The following ADAMDEC1 variants were observed in gnomAD, a reference collection of about 807,000 sequenced individuals.
ADAMDEC1 encodes the protein ADAM DEC1.
In ADAMDEC1, 62 loss-of-function variants were observed where a neutral mutation model predicts 60.4. That is an observed-to-expected ratio of 1.03 (90% CI 0.84 to 1.27). ADAMDEC1 has a LOEUF of 1.27. Ranked by LOEUF, ADAMDEC1 falls within the 50% of genes most tolerant of loss-of-function variation. ADAMDEC1 has a pLI of 0.00. For missense variants in ADAMDEC1, 595 were observed against 565.0 expected, an observed-to-expected ratio of 1.05 and a Z score of -0.54; for synonymous variants, 210 against 195.1, an observed-to-expected ratio of 1.08 and a Z score of -0.64.
chr8:24,385,961 A>T (rs953281234), intron 1 of ADAMDEC1, among the ~76,000 whole-genome samples: 1 of 151,882 alleles, frequency 6.6e-6, no homozygotes, highest in African/African-American at 2.4e-5. Context: ...AAAAATCTAC[A>T]TATCTTTTTT....
At chr8:24,402,172 T>G in intron 12 of ADAMDEC1, 80 bp downstream of exon 12, 1 of 1,302,360 alleles carries the variant, frequency 7.7e-7, no homozygotes, top group Admixed American at 2.6e-5. Flanking sequence ...GGAAATTCTT[T>G]CTAAAGACAA....
intron 4 of ADAMDEC1, among the ~76,000 whole-genome samples, chr8:24,394,360 T>C (rs1294537669): frequency 6.6e-6 from 1 of 152,144 alleles, no homozygotes; most frequent in African/African-American, 2.4e-5. Context: ...TTTTAAAACA[T>C]AGGAGCAGCA....
chr8:24,398,984 G>A lies in ADAMDEC1; in HGVS notation c.873G>A (p.Leu291=). Residue 291 remains leucine, a synonymous_variant, in exon 9 of 14, where the codon CTG becomes CTA. Coordinates refer to ENST00000256412, the MANE Select transcript of ADAMDEC1 (RefSeq NM_014479.3). ...PSASTTFDNF[L]RWHSSNLGKK... ...CAAGCACCACGTTTGACAACTTCCTGAGATGGCACAGTTCTAACCTGGGGA... is the reference window on the plus strand; with the variant it reads ...CAAGCACCACGTTTGACAACTTCCTAAGATGGCACAGTTCTAACCTGGGGA... The A allele has an allele frequency of 6.2e-7, 1 of 1,613,794 alleles. No individual in the cohort carries two copies. The highest frequency in any genetic ancestry group is 8.5e-7 in the Non-Finnish European group (1 of 1,179,830).
At chr8:24,389,536 C>T (rs1817383689) in intron 1 of ADAMDEC1, among the ~76,000 whole-genome samples, 1 of 152,162 alleles carries the variant, frequency 6.6e-6, no homozygotes, top group African/African-American at 2.4e-5. Flanking sequence ...ATACTCTTGA[C>T]AGATCAGACA....
intron 1 of ADAMDEC1, among the ~76,000 whole-genome samples, chr8:24,384,897 A>G (rs866240458): frequency 6.6e-6 from 1 of 152,212 alleles, no homozygotes; most frequent in South Asian, 2.1e-4. Context: ...ATAGAGGAAA[A>G]AAAAGCTACA....
rs1817642275 is a variant in ADAMDEC1 at position 24,397,402 on chromosome 8, C to G, written c.573C>G (p.Ser191Arg). 6.2e-7 allele frequency: 1 copy of G among 1,614,064 alleles called. No individual in the cohort carries two copies. Among genetic ancestry groups the G allele is most frequent in the African/African-American group, 1.3e-5 (1 of 75,052 alleles). Reference protein sequence around the residue: ...DPANHTCGVKSTDGKQGPIRI... With the variant: ...DPANHTCGVKRTDGKQGPIRI... ...CTAACCACACATGTGGTGTGAAGAG[C>G]ACTGACGGGAAACAAGGCCCAATTC... Residue 191 changes from serine (S) to arginine (R), a missense_variant, in exon 6 of 14, where the codon AGC becomes AGG. Coordinates refer to ENST00000256412, the MANE Select transcript of ADAMDEC1 (RefSeq NM_014479.3).
intron 12 of ADAMDEC1, 47 bp from the exon 13 acceptor site, chr8:24,403,956 A>G (rs769867372): frequency 6.6e-7 from 1 of 1,511,240 alleles, no homozygotes; most frequent in African/African-American, 1.4e-5. Context: ...AGTCTATGGG[A>G]AGAAAATGTT....
At chr8:24,390,675 G>C (rs1349490433) in intron 1 of ADAMDEC1, among the ~76,000 whole-genome samples, 3 of 151,892 alleles carry the variant, frequency 2.0e-5, no homozygotes, top group Non-Finnish European at 2.9e-5. Context: ...AGTCAAGATC[G>C]GGCCACTGTA....
At chr8:24,398,123 T>C (rs958141070) in intron 7 of ADAMDEC1, among the ~76,000 whole-genome samples, 4 of 151,260 alleles carry the variant, frequency 2.6e-5, no homozygotes, top group South Asian at 2.1e-4. Flanking sequence ...AGAAACTATA[T>C]TGATAGATAC....
At position 24,384,348 on chromosome 8, in the gene ADAMDEC1, C is replaced by A; in HGVS notation, c.-157C>A. The A allele has an allele frequency of 1.7e-6, 1 of 599,164 alleles. No homozygotes were observed. The highest frequency in any genetic ancestry group is 2.9e-6 in the Non-Finnish European group (1 of 344,486). The allele number at this position is 599,164 out of a possible 1,614,324, so 37.1% of individuals were successfully genotyped here. ...ATATCTCTCAAAGATGAGGAACATT[C>A]TCATGATGTTGACACTGCAATTTTT... On this transcript the variant is annotated 5_prime_UTR_variant, in exon 1 of 14. Coordinates refer to ENST00000256412, the MANE Select transcript of ADAMDEC1 (RefSeq NM_014479.3).
intron 11 of ADAMDEC1, 121 bp from the exon 12 acceptor site, chr8:24,401,794 A>T: frequency 1.1e-6 from 1 of 909,734 alleles, no homozygotes; most frequent in South Asian, 1.9e-5. Flanking sequence ...TGGAATTTCC[A>T]TTGAGCTCGG....
chr8:24,392,198 A>G, intron 1 of ADAMDEC1, 64 bp from the exon 2 acceptor site: 2 of 1,266,368 alleles, frequency 1.6e-6, no homozygotes, highest in South Asian at 2.9e-5. Flanking sequence ...TGAAAACAAA[A>G]CACAACACGA....
chr8:24,386,255 C>T (rs1817289164), intron 1 of ADAMDEC1, among the ~76,000 whole-genome samples: 1 of 152,124 alleles, frequency 6.6e-6, no homozygotes, highest in African/African-American at 2.4e-5. Flanking sequence ...TGGTAATGTT[C>T]TTATGTTTAC....
At position 24,393,336 on chromosome 8, in the gene ADAMDEC1, C is replaced by G; in HGVS notation, c.282C>G (p.Thr94=). 2 of 1,588,348 alleles carry G rather than the reference C, an allele frequency of 1.3e-6. No homozygotes were observed. The highest frequency in any genetic ancestry group is 1.7e-6 in the Non-Finnish European group (2 of 1,161,740). Residue 94 remains threonine (T), a splice_region_variant and synonymous_variant, in exon 3 of 14, where the codon ACC becomes ACG. Coordinates refer to ENST00000256412, the MANE Select transcript of ADAMDEC1 (RefSeq NM_014479.3). ...GEEIILSLQK[T]KHLLGPDYTE... ...AAATCATTCTCTCCCTACAAAAAAC[C>G]AAGTAAGTTGTACCTCCTAAAAGTC...
rs780754618 is a variant in ADAMDEC1, at chr8:24,394,160, T to C, written c.363+13T>C. On this transcript the variant is annotated intron_variant, in intron 4 of 13. Coordinates refer to ENST00000256412, the MANE Select transcript of ADAMDEC1 (RefSeq NM_014479.3). ...ACCTGAGAACATGGTAGGGTCCGAA[T>C]ACTTTGTGGGTCTCTTTTGAGTTTT... 3 of 1,589,898 alleles carry C rather than the reference T, an allele frequency of 1.9e-6. No individual in the cohort carries two copies. The highest frequency in any genetic ancestry group is 1.1e-5 in the South Asian group (1 of 90,554).
chr8:24,394,674 T>C (rs1817559546), intron 4 of ADAMDEC1, among the ~76,000 whole-genome samples: 1 of 152,142 alleles, frequency 6.6e-6, no homozygotes, highest in Admixed American at 6.5e-5. Context: ...GAGATGTTCA[T>C]GTTCCCAGGC....
At chr8:24,394,221 C>G in intron 4 of ADAMDEC1, 74 bp downstream of exon 4, 1 of 1,113,854 alleles carries the variant, frequency 9.0e-7, no homozygotes, top group Admixed American at 2.1e-5. Flanking sequence ...TAACTAAGAT[C>G]TCCAAAGGGC....
intron 1 of ADAMDEC1, among the ~76,000 whole-genome samples, chr8:24,391,054 T>G (rs1318273551): frequency 1.3e-5 from 2 of 152,214 alleles, no homozygotes; most frequent in Admixed American, 1.3e-4. Context: ...AAAAGATCAT[T>G]TACTCATACA....
At chr8:24,386,473 G>A (rs1020673852) in intron 1 of ADAMDEC1, among the ~76,000 whole-genome samples, 1 of 152,160 alleles carries the variant, frequency 6.6e-6, no homozygotes, top group Non-Finnish European at 1.5e-5. Context: ...GTTTCTGGGG[G>A]AAATGGGAGG....
Sources: gnomAD v4.1 joint callset for allele counts (sites outside exome capture counted in the v4.1 genomes callset) on GRCh38, gnomAD v4.1.1 for gene constraint, MANE v1.5 for transcripts, NCBI Gene and HGNC (gene_info 2026-07-23, HGNC 2026-07-21) for gene names.